ANKH: variants seen among roughly 807,000 people sequenced by gnomAD.
ANKH encodes the protein ANKH inorganic pyrophosphate transport regulator.
ANKH carries 15 observed loss-of-function variants against 49.0 expected under a neutral mutation model. The ratio of observed to expected loss-of-function variants is 0.31; its 90% confidence interval spans 0.20 to 0.47. ANKH has a LOEUF of 0.47. Among genes scored for constraint, ANKH ranks in the 20% least tolerant of loss-of-function variants. The probability of loss-of-function intolerance (pLI) is 1.00; values close to 1 mark genes in which losing one functional copy is unlikely to be tolerated. For missense variants in ANKH, 429 were observed against 652.0 expected (o/e 0.66, Z 3.72); for synonymous variants, 273 against 260.0 (o/e 1.05, Z -0.48).
chr5:14,758,424 A>T, intron 3 of ANKH, 56 bp downstream of exon 3: 1 of 1,321,788 alleles, frequency 7.6e-7, no homozygotes, highest in Non-Finnish European at 1.1e-6. Context: ...TATATTATGT[A>T]TATTTTACCA....
chr5:14,712,851 G>A, intron 11 of ANKH, 23 bp downstream of exon 11: 1 of 1,578,640 alleles, frequency 6.3e-7, no homozygotes, highest in Non-Finnish European at 8.6e-7. Context: ...CCCGGGAGGA[G>A]GCTCCCGGCG....
intron 2 of ANKH, among the ~76,000 whole-genome samples, chr5:14,765,385 C>A (rs1484123397): frequency 6.6e-6 from 1 of 152,108 alleles, no homozygotes; most frequent in African/African-American, 2.4e-5. Flanking sequence ...AACACAATTC[C>A]AAGTGTCTGC....
intron 9 of ANKH, among the ~76,000 whole-genome samples, chr5:14,714,872 C>T (rs1050332523): frequency 6.6e-6 from 1 of 152,230 alleles, no homozygotes; most frequent in Non-Finnish European, 1.5e-5. Flanking sequence ...AGCTGGGGCA[C>T]TCCAGGCCCC....
chr5:14,792,804 G>A (rs1400395561), intron 1 of ANKH, among the ~76,000 whole-genome samples: 1 of 150,668 alleles, frequency 6.6e-6, no homozygotes, highest in African/African-American at 2.4e-5. Flanking sequence ...GTAAAACCCT[G>A]CCTCTACTAA....
At chr5:14,869,360 A>G (rs1735751101) in intron 1 of ANKH, 1 of 152,234 alleles carries the variant, frequency 6.6e-6, no homozygotes, top group South Asian at 2.1e-4. Context: ...TGGAAAACCT[A>G]TCAATTTCTT....
chr5:14,726,727 C>G (rs574739344), intron 8 of ANKH, among the ~76,000 whole-genome samples: 73 of 152,318 alleles, frequency 4.8e-4, no homozygotes, highest in African/African-American at 1.6e-3. Flanking sequence ...GACACACTCT[C>G]AGATTCCCAA....
At chr5:14,848,268 G>C (rs1264335069) in intron 1 of ANKH, among the ~76,000 whole-genome samples, 1 of 152,202 alleles carries the variant, frequency 6.6e-6, no homozygotes, top group Non-Finnish European at 1.5e-5. Context: ...GTAGTGAAGA[G>C]AGTAGTGAAG....
rs1334798768 is a variant in ANKH, at chr5:14,707,563, G to C, written c.*3634C>G. On this transcript the variant is annotated 3_prime_UTR_variant, in exon 12 of 12. Transcript: ENST00000284268. ...GAGTGAGCACTCCTGAGCTGGCCCCGCTGCGACGCATCCTGGCGTCTGGAG... is the reference window on the plus strand; with the variant it reads ...GAGTGAGCACTCCTGAGCTGGCCCCCCTGCGACGCATCCTGGCGTCTGGAG... 6.6e-6 allele frequency: 1 copy of C among 152,206 alleles called. No homozygotes were observed. The highest frequency in any genetic ancestry group is 1.5e-5 in the Non-Finnish European group (1 of 68,046). The allele number at this position is 152,206 out of a possible 1,614,324, so 9.4% of individuals were successfully genotyped here.
At chr5:14,793,060 AATAT>A (rs1370170650) in intron 1 of ANKH, among the ~76,000 whole-genome samples, 1 of 36,054 alleles carries the variant, frequency 2.8e-5, no homozygotes, top group African/African-American at 7.9e-5. Flanking sequence ...ATATATATAA[AATAT>A]ATATAAATAT....
intron 1 of ANKH, among the ~76,000 whole-genome samples, chr5:14,793,009 T>TATATATATATAAATATATATATATAAAA (rs1347424635): frequency 4.7e-4 from 20 of 42,492 alleles, no homozygotes; most frequent in South Asian, 2.0e-3. Flanking sequence ...TATATATAAA[T>TATATATATATAAATATATATATATAAAA]ATATATATAT....
chr5:14,834,004 C>G (rs1482125863), intron 1 of ANKH, among the ~76,000 whole-genome samples: 1 of 152,184 alleles, frequency 6.6e-6, no homozygotes, highest in Non-Finnish European at 1.5e-5. Flanking sequence ...TGCATTCACC[C>G]ACATACAAAC....
rs1561087704 is a variant in ANKH at position 14,858,750 on chromosome 5, TAAATAAATAAAATA to T, written c.96+12588_96+12601del. On this transcript the variant is annotated intron_variant, in intron 1 of 11. Transcript: ENST00000284268. ...ATAAATAAATAAATAAATAAATAAA[TAAATAAATAAAATA>T]AAATAAAATATATGCACAGAAAAGA... Among the ~76,000 whole-genome samples the T allele has an allele frequency of 6.7e-5, 7 of 103,950 alleles. No individual in the cohort carries two copies. The South Asian group carries it at 1.2e-3, about 18-fold the overall frequency. 68.2% of individuals were successfully genotyped at this position (103,950 alleles called of 152,430 possible).
chr5:14,726,881 G>A (rs761209476), intron 8 of ANKH, among the ~76,000 whole-genome samples: 15 of 152,184 alleles, frequency 9.9e-5, no homozygotes, highest in Non-Finnish European at 1.5e-5. Context: ...ATGGGCTCTT[G>A]GGATTGACTG....
intron 8 of ANKH, among the ~76,000 whole-genome samples, chr5:14,717,750 G>A (rs1393315145): frequency 2.0e-5 from 3 of 152,162 alleles, no homozygotes; most frequent in Non-Finnish European, 4.4e-5. Context: ...GGGACCAAAA[G>A]TGTTTTAGAT....
In ANKH at chr5:14,725,261, G is replaced by A. The variant is rs1737788929; in HGVS notation, c.1012-8426C>T. 6.6e-6 allele frequency among the ~76,000 whole-genome samples: 1 copy of A among 152,216 alleles called. No individual in the cohort carries two copies. Among genetic ancestry groups the A allele is most frequent in the Non-Finnish European group, 1.5e-5 (1 of 68,038 alleles). On this transcript the variant is annotated intron_variant, in intron 8 of 11. Coordinates refer to ENST00000284268, the MANE Select transcript of ANKH (RefSeq NM_054027.6). This position sits in a 1 kb window ranked among gnomAD's most constrained non-coding sequence, Gnocchi z 4.0. ...AGCTCTCTTCTTTCAAACGGGGATGGTGTCTCCCTCACAGGGATGCTGTGT... is the reference window on the plus strand; with the variant it reads ...AGCTCTCTTCTTTCAAACGGGGATGATGTCTCCCTCACAGGGATGCTGTGT...
At chr5:14,843,412 G>A (rs1365979323) in intron 1 of ANKH, among the ~76,000 whole-genome samples, 2 of 151,740 alleles carry the variant, frequency 1.3e-5, no homozygotes, top group Admixed American at 6.6e-5. Context: ...TTGACCTCAG[G>A]CAATCTGCCT....
chr5:14,779,336 C>A (rs1395086437), intron 1 of ANKH, among the ~76,000 whole-genome samples: 2 of 152,186 alleles, frequency 1.3e-5, no homozygotes, highest in African/African-American at 4.8e-5. Context: ...TCTCCTCCAT[C>A]CTAAAAAAGA....
intron 1 of ANKH, among the ~76,000 whole-genome samples, chr5:14,838,281 C>A (rs568664435): frequency 1.4e-5 from 2 of 143,800 alleles, no homozygotes; most frequent in African/African-American, 5.2e-5. Flanking sequence ...AATTACCTAA[C>A]GCTAAACGAC....
rs1205806461 is a variant in ANKH at position 14,833,830 on chromosome 5, C to T, written c.96+37522G>A. Among the ~76,000 whole-genome samples, 6 of 152,170 alleles carry T rather than the reference C, an allele frequency of 3.9e-5. No individual in the cohort carries two copies. In the South Asian group the frequency reaches 6.2e-4, roughly 16 times the overall value. On this transcript the variant is annotated intron_variant, in intron 1 of 11. Transcript: ENST00000284268. ...TTTACTCAAGAAGCTTACCTACCTA[C>T]GTGCAAAGGAACTGTTGGGGCCCTG...
Sources: allele counts gnomAD v4.1 joint callset (sites outside exome capture counted in the v4.1 genomes callset), GRCh38; gene constraint gnomAD v4.1.1; non-coding constraint Gnocchi (gnomAD v3.1); transcripts MANE v1.5; gene names NCBI Gene and HGNC (gene_info 2026-07-23, HGNC 2026-07-21).